Variants in GRID1 observed in about 807,000 individuals in gnomAD.
GRID1 encodes the protein glutamate receptor ionotropic, delta-1.
A neutral mutation model predicts 98.0 loss-of-function variants in GRID1; 28 were observed. That is an observed-to-expected ratio of 0.29 (90% CI 0.21 to 0.39). The LOEUF is 0.39. Among genes scored for constraint, GRID1 ranks in the 10% least tolerant of loss-of-function variants. GRID1 has a pLI of 1.00. For missense variants in GRID1, 1,111 were observed against 1,340.5 expected, an observed-to-expected ratio of 0.83 and a Z score of 2.67; for synonymous variants, 553 against 538.5, an observed-to-expected ratio of 1.03 and a Z score of -0.37.
chr10:85,917,951 C>T (rs138193174), intron 4 of GRID1, among the ~76,000 whole-genome samples: 32 of 152,336 alleles, frequency 2.1e-4, no homozygotes, highest in Non-Finnish European at 4.3e-4. Flanking sequence ...GAGCCTCTCT[C>T]CTGTCAACAT....
intron 2 of GRID1, among the ~76,000 whole-genome samples, chr10:86,261,528 G>A (rs556645370): frequency 3.4e-4 from 52 of 152,298 alleles, no homozygotes; most frequent in Admixed American, 1.2e-3. Context: ...TGGGAAGGAG[G>A]TGCTCCACTA....
intron 4 of GRID1, among the ~76,000 whole-genome samples, chr10:86,001,858 G>C (rs758844245): frequency 2.6e-5 from 4 of 152,184 alleles, no homozygotes; most frequent in Non-Finnish European, 5.9e-5. Context: ...GAAGTCTGAA[G>C]TCAAGGTGCC....
Position 86,195,949 on chromosome 10 carries a change from G to A in GRID1, c.520+10415C>T, listed in dbSNP as rs1845866216. 6.6e-6 allele frequency among the ~76,000 whole-genome samples: 1 copy of A among 152,078 alleles called. No individual in the cohort carries two copies. Among genetic ancestry groups the A allele is most frequent in the Non-Finnish European group, 1.5e-5 (1 of 67,970 alleles). ...CCAGAGAGAACGGGCTTCCGTTCTT[G>A]AGCATCCTTACTACACAGGAGAAAG... On this transcript the variant is annotated intron_variant, in intron 3 of 15. Coordinates refer to ENST00000327946, the MANE Select transcript of GRID1 (RefSeq NM_017551.3). This position sits in a 1 kb window ranked among gnomAD's most constrained non-coding sequence, Gnocchi z 4.4.
chr10:85,792,977 C>G (rs1221138808), intron 8 of GRID1, among the ~76,000 whole-genome samples: 1 of 152,200 alleles, frequency 6.6e-6, no homozygotes, highest in East Asian at 1.9e-4. Flanking sequence ...TCATCAGTAC[C>G]TGCTTCAGGG....
chr10:85,735,871 GAGAAGGAT>G (rs1841875478), intron 8 of GRID1, among the ~76,000 whole-genome samples: 2 of 143,290 alleles, frequency 1.4e-5, no homozygotes, highest in South Asian at 2.3e-4. Context: ...GAAGGAAGGA[GAGAAGGAT>G]GGAGGGAGGG....
chr10:85,631,486 C>CA lies in GRID1; in HGVS notation c.2194-11454dup, dbSNP rs1237869917. Among the ~76,000 whole-genome samples, 27 of 152,030 alleles carry CA rather than the reference C, an allele frequency of 1.8e-4. 2 individuals are homozygous for CA. Among genetic ancestry groups the CA allele is most frequent in the Admixed American group, 1.7e-3 (26 of 15,278 alleles). On this transcript the variant is annotated intron_variant, in intron 13 of 15. Transcript: ENST00000327946. Reference sequence around the variant, plus strand: ...GGGAGGAATAGTTTTGTTTATTGAGCAAAAAATTGTCCTAGTAAAATAAGG... The same window carrying CA: ...GGGAGGAATAGTTTTGTTTATTGAGCAAAAAAATTGTCCTAGTAAAATAAGG...
chr10:86,350,244 G>A lies in GRID1; in HGVS notation c.235+13697C>T, dbSNP rs900084324. On this transcript the variant is annotated intron_variant, in intron 2 of 15. Coordinates refer to ENST00000327946, the MANE Select transcript of GRID1 (RefSeq NM_017551.3). ...GGGTCCTTGGGGACTTGCAGCCCTG[G>A]CAAGGGGTCTGGATTTGATTCTTAG... 7.2e-5 allele frequency among the ~76,000 whole-genome samples: 11 copies of A among 152,328 alleles called. No homozygotes were observed. In the South Asian group the frequency reaches 2.3e-3, roughly 32 times the overall value.
chr10:86,138,971 C>T lies in GRID1; in HGVS notation c.574G>A (p.Val192Ile), dbSNP rs773280200. 6 of 1,614,080 alleles carry T rather than the reference C, an allele frequency of 3.7e-6. No homozygotes were observed. Among genetic ancestry groups the T allele is most frequent in the Admixed American group, 3.3e-5 (2 of 60,030 alleles). Residue 192 changes from valine to isoleucine, a missense_variant, in exon 4 of 16, where the codon GTC becomes ATC. Physicochemically the swap from Val to Ile is conservative, Grantham distance 29 (BLOSUM62 3). This residue lies in a region of GRID1 where 346 missense variants were observed against 452.3 expected (regional missense o/e 0.76). Transcript: ENST00000327946. ...TTCTTGTCCACCTTTTGTAAAGAGACGTCAAGGCCCAGCCGCGAGGCCTGG... is the reference window on the plus strand; with the variant it reads ...TTCTTGTCCACCTTTTGTAAAGAGATGTCAAGGCCCAGCCGCGAGGCCTGG... ...LDQASRLGLDVSLQKVDKNIS... is the reference protein window; with the variant it reads ...LDQASRLGLDISLQKVDKNIS...
At chr10:85,610,619 C>T (rs1361146506) in intron 15 of GRID1, among the ~76,000 whole-genome samples, 1 of 152,202 alleles carries the variant, frequency 6.6e-6, no homozygotes, top group Non-Finnish European at 1.5e-5. Context: ...TGGATGTCCT[C>T]GGTGCTTTTG....
intron 4 of GRID1, among the ~76,000 whole-genome samples, chr10:86,034,866 G>A (rs1248657924): frequency 6.6e-6 from 1 of 151,808 alleles, no homozygotes; most frequent in Non-Finnish European, 1.5e-5. Context: ...CAATGGGTTG[G>A]TGGATGGATG....
chr10:86,282,341 A>G (rs1280548062), intron 2 of GRID1, among the ~76,000 whole-genome samples: 2 of 152,116 alleles, frequency 1.3e-5, no homozygotes, highest in African/African-American at 2.4e-5. Flanking sequence ...CATCTGTAAA[A>G]TGCAGAAAAC....
At chr10:85,698,429 T>C (rs11201734) in intron 12 of GRID1, among the ~76,000 whole-genome samples, 10,043 of 152,260 alleles carry the variant, frequency 0.066, 677 homozygotes, top group African/African-American at 0.17. Context: ...TTTCTGTTTA[T>C]CATAAAATGT....
intron 8 of GRID1, among the ~76,000 whole-genome samples, chr10:85,790,630 G>T (rs1257591941): frequency 1.3e-5 from 2 of 152,194 alleles, no homozygotes; most frequent in Non-Finnish European, 2.9e-5. Flanking sequence ...CCTGTCCTGA[G>T]TCAGACCAGG....
At chr10:85,688,614 A>G (rs1841296229) in intron 12 of GRID1, among the ~76,000 whole-genome samples, 1 of 152,242 alleles carries the variant, frequency 6.6e-6, no homozygotes, top group African/African-American at 2.4e-5. Flanking sequence ...ACTTTGAGGC[A>G]TATTTATGAG....
intron 4 of GRID1, among the ~76,000 whole-genome samples, chr10:86,050,216 C>T (rs1213935094): frequency 6.6e-6 from 1 of 152,202 alleles, no homozygotes; most frequent in Middle Eastern, 3.2e-3. Context: ...AACATTTAGC[C>T]ACTTAAGCAT....
At chr10:86,252,033 G>A (rs529158261) in intron 2 of GRID1, among the ~76,000 whole-genome samples, 6 of 152,284 alleles carry the variant, frequency 3.9e-5, no homozygotes, top group Admixed American at 2.0e-4. Flanking sequence ...GGGTGTCCCC[G>A]TTCCATACAT....
intron 8 of GRID1, among the ~76,000 whole-genome samples, chr10:85,808,678 A>G (rs181316477): frequency 2.6e-5 from 4 of 152,338 alleles, no homozygotes; most frequent in Admixed American, 2.0e-4. Flanking sequence ...GAATCCCACA[A>G]CAAATTGAAA....
chr10:85,973,280 T>C (rs752818455), intron 4 of GRID1, among the ~76,000 whole-genome samples: 1 of 152,240 alleles, frequency 6.6e-6, no homozygotes, highest in Non-Finnish European at 1.5e-5. Context: ...TTTTTGTACA[T>C]TGGATCTATT....
intron 12 of GRID1, among the ~76,000 whole-genome samples, chr10:85,670,871 T>A (rs1225030881): frequency 6.6e-6 from 1 of 152,248 alleles, no homozygotes; most frequent in East Asian, 1.9e-4. Flanking sequence ...CAGTCATAGA[T>A]GGTTTGCCAC....
Sources: gnomAD v4.1 joint callset for allele counts (sites outside exome capture counted in the v4.1 genomes callset) on GRCh38, gnomAD v4.1.1 for gene constraint, gnomAD v4.1.1 regional missense constraint, Gnocchi (gnomAD v3.1) non-coding constraint, MANE v1.5 for transcripts, NCBI Gene and HGNC (gene_info 2026-07-23, HGNC 2026-07-21) for gene names.